PTPRD: variants seen among roughly 807,000 people sequenced by gnomAD.
PTPRD encodes the protein protein tyrosine phosphatase receptor type D.
A neutral mutation model predicts 214.5 loss-of-function variants in PTPRD; 34 were observed. That is an observed-to-expected ratio of 0.16 (90% confidence interval 0.12 to 0.21). The LOEUF is 0.21. Ranked by LOEUF, PTPRD falls within the 10% of genes least tolerant of loss-of-function variation. The pLI is 1.00. For synonymous variants in PTPRD, 1,128 were observed against 845.7 expected (o/e 1.33, Z -5.79); for missense variants, 2,545 against 2,398.7 (o/e 1.06, Z -1.27).
chr9:9,908,042 C>A (rs2078093261), intron 5 of PTPRD, among the ~76,000 whole-genome samples: 1 of 149,570 alleles, frequency 6.7e-6, no homozygotes, highest in Admixed American at 6.7e-5. Flanking sequence ...AATATGAGAA[C>A]ATATACACCA....
chr9:10,430,843 C>T (rs532648345), intron 2 of PTPRD, among the ~76,000 whole-genome samples: 2 of 151,962 alleles, frequency 1.3e-5, no homozygotes, highest in South Asian at 2.1e-4. Flanking sequence ...CCTTTTTTAT[C>T]CCTGATGTTA....
intron 9 of PTPRD, among the ~76,000 whole-genome samples, chr9:9,270,631 G>A (rs1942467965): frequency 6.6e-6 from 1 of 151,352 alleles, no homozygotes; most frequent in South Asian, 2.1e-4. Flanking sequence ...AAGTGCAAAA[G>A]AAGAGCCATA....
intron 5 of PTPRD, among the ~76,000 whole-genome samples, chr9:9,818,775 G>C (rs958429316): frequency 6.6e-6 from 1 of 151,900 alleles, no homozygotes; most frequent in African/African-American, 2.4e-5. Context: ...AAGTAGCTGG[G>C]TGTAGTGGTG....
chr9:9,247,752 A>T (rs916927622), intron 9 of PTPRD, among the ~76,000 whole-genome samples: 1 of 152,052 alleles, frequency 6.6e-6, no homozygotes. Flanking sequence ...ATCTTTGGTT[A>T]AAAATATAGA....
intron 5 of PTPRD, among the ~76,000 whole-genome samples, chr9:9,817,462 TTGAC>T (rs2049131448): frequency 1.3e-5 from 2 of 152,312 alleles, no homozygotes; most frequent in African/African-American, 4.8e-5. Flanking sequence ...TATTTCCACT[TTGAC>T]TAACTACTCA....
chr9:8,463,733 C>T (rs2096479735), intron 32 of PTPRD, among the ~76,000 whole-genome samples: 1 of 151,852 alleles, frequency 6.6e-6, no homozygotes, highest in Non-Finnish European at 1.5e-5. Context: ...ATCTGACATT[C>T]TTAATATGAG....
At chr9:9,956,895 A>G (rs1587235685) in intron 4 of PTPRD, among the ~76,000 whole-genome samples, 1 of 152,292 alleles carries the variant, frequency 6.6e-6, no homozygotes, top group African/African-American at 2.4e-5. Flanking sequence ...CTTTAAACAC[A>G]TATTAGATGA....
rs200827573 is a variant in PTPRD, at chr9:10,271,474, CA to C, written c.-545+69488del. ...AATGAAAAAATATTCTTAATTATCT[CA>C]AGTGTTTTCTTATAAATTAATAAGC... On this transcript the variant is annotated intron_variant, in intron 3 of 45. Coordinates refer to ENST00000381196, the MANE Select transcript of PTPRD (RefSeq NM_002839.4). 2.0e-5 allele frequency among the ~76,000 whole-genome samples: 3 copies of C among 149,516 alleles called. No homozygotes were observed. In the East Asian group the frequency reaches 5.9e-4, roughly 30 times the overall value.
At chr9:8,485,431 CAG>C in intron 28 of PTPRD, 107 bp from the exon 29 acceptor site, 6 of 749,956 alleles carry the variant, frequency 8.0e-6, no homozygotes, top group Non-Finnish European at 1.3e-5. Flanking sequence ...CTACTTTGAT[CAG>C]AGAGAGAAGT....
At chr9:9,516,028 C>A (rs958448668) in intron 8 of PTPRD, among the ~76,000 whole-genome samples, 1 of 152,102 alleles carries the variant, frequency 6.6e-6, no homozygotes, top group Admixed American at 6.6e-5. Flanking sequence ...CATATGCAAG[C>A]ATTCAACTGT....
At chr9:9,104,588 A>G (rs139764646) in intron 10 of PTPRD, among the ~76,000 whole-genome samples, 185 of 152,340 alleles carry the variant, frequency 1.2e-3, no homozygotes, top group African/African-American at 3.8e-3. Context: ...CTGTCAGCTA[A>G]AACAAGTGCT....
At chr9:9,626,424 C>G (rs916243425) in intron 7 of PTPRD, among the ~76,000 whole-genome samples, 30 of 152,166 alleles carry the variant, frequency 2.0e-4, no homozygotes, top group Non-Finnish European at 2.2e-4. Context: ...AAAGAAAGGC[C>G]ATTCATGTAC....
At chr9:8,449,918 T>C in intron 33 of PTPRD, 81 bp from the exon 34 acceptor site, 1 of 1,296,560 alleles carries the variant, frequency 7.7e-7, no homozygotes, top group Non-Finnish European at 1.1e-6. Context: ...GCACCTGCAC[T>C]CCCCCCACCT....
intron 14 of PTPRD, among the ~76,000 whole-genome samples, chr9:8,578,352 C>A (rs57854029): frequency 3.7e-4 from 56 of 152,174 alleles, no homozygotes; most frequent in African/African-American, 1.3e-3. Flanking sequence ...AACAGAGCCC[C>A]CACCCTCCAA....
At chr9:8,944,774 G>C (rs72706297) in intron 11 of PTPRD, among the ~76,000 whole-genome samples, 1 of 151,854 alleles carries the variant, frequency 6.6e-6, no homozygotes. Context: ...GGTGAAATAA[G>C]GATGATTAAT....
intron 9 of PTPRD, among the ~76,000 whole-genome samples, chr9:9,264,205 C>A (rs1937871711): frequency 6.6e-6 from 1 of 151,506 alleles, no homozygotes; most frequent in Non-Finnish European, 1.5e-5. Context: ...AGTATCCAAC[C>A]TAAAAGAATT....
At chr9:9,220,767 T>C (rs1272794505) in intron 9 of PTPRD, among the ~76,000 whole-genome samples, 2 of 152,102 alleles carry the variant, frequency 1.3e-5, no homozygotes, top group African/African-American at 4.8e-5. Context: ...CAAACCTCTA[T>C]TTCACAAAAT....
chr9:9,332,856 C>G (rs2042858874), intron 9 of PTPRD, among the ~76,000 whole-genome samples: 1 of 151,828 alleles, frequency 6.6e-6, no homozygotes, highest in South Asian at 2.1e-4. Context: ...ATACTTTCAT[C>G]AAGTGGATAC....
In PTPRD at chr9:9,647,739, T is replaced by G. The variant is rs568072832; in HGVS notation, c.-286-72958A>C. 5.3e-5 allele frequency among the ~76,000 whole-genome samples: 8 copies of G among 152,336 alleles called. No homozygotes were observed. In the South Asian group the frequency reaches 1.7e-3, roughly 32 times the overall value. On this transcript the variant is annotated intron_variant, in intron 7 of 45. Transcript: ENST00000381196. ...GCCTTATTGTGACAGCAGACCTTTT[T>G]GTCTTGGCTTTATGTAGGGCACTTC...
Sources: gnomAD v4.1 joint callset for allele counts (sites outside exome capture counted in the v4.1 genomes callset) on GRCh38, gnomAD v4.1.1 for gene constraint, MANE v1.5 for transcripts, NCBI Gene and HGNC (gene_info 2026-07-23, HGNC 2026-07-21) for gene names.